Variants in CENPP observed in about 807,000 individuals in gnomAD.
CENPP encodes the protein centromere protein P.
Under a neutral mutation model 35.6 loss-of-function variants are expected in CENPP, and 24 were observed. That is an observed-to-expected ratio of 0.67 (90% CI 0.49 to 0.95). The LOEUF is 0.95. Among genes scored for constraint, CENPP ranks in the 40% least tolerant of loss-of-function variants. The probability of loss-of-function intolerance (pLI) is 0.00; values close to 1 mark genes in which losing one functional copy is unlikely to be tolerated. For missense variants in CENPP, 332 were observed against 345.3 expected, an observed-to-expected ratio of 0.96 and a Z score of 0.31; for synonymous variants, 120 against 125.5, an observed-to-expected ratio of 0.96 and a Z score of 0.29.
rs924536208 is a variant in CENPP, at chr9:92,487,169, C to A, written c.564+107310C>A. Among the ~76,000 whole-genome samples the A allele has an allele frequency of 2.0e-5, 3 of 152,318 alleles. No homozygotes were observed. In the South Asian group the frequency reaches 6.2e-4, roughly 32 times the overall value. On this transcript the variant is annotated intron_variant, in intron 5 of 7. Transcript: ENST00000375587. ...GGTTTTGTTTTAAATAAATTTCTTACCTCTTTCCACTGAGCAGACCTGAGA... is the reference window on the plus strand; with the variant it reads ...GGTTTTGTTTTAAATAAATTTCTTAACTCTTTCCACTGAGCAGACCTGAGA...
chr9:92,352,041 T>A (rs1841461505), intron 4 of CENPP, among the ~76,000 whole-genome samples: 3 of 146,580 alleles, frequency 2.0e-5, no homozygotes, highest in South Asian at 2.2e-4. Context: ...TTTTTTTTTT[T>A]AAGCACCACA....
intron 5 of CENPP, chr9:92,517,819 A>G: frequency 6.2e-7 from 1 of 1,614,200 alleles, no homozygotes; most frequent in Non-Finnish European, 8.5e-7. Flanking sequence ...GGCTCAGGCG[A>G]CCACACAGCT....
chr9:92,512,245 T>C, intron 5 of CENPP: 1 of 571,244 alleles, frequency 1.8e-6, no homozygotes, highest in Non-Finnish European at 3.1e-6. Flanking sequence ...AAAGCAATAC[T>C]CAGAACAAGG....
At chr9:92,489,766 A>G (rs1846136887) in intron 5 of CENPP, among the ~76,000 whole-genome samples, 1 of 152,140 alleles carries the variant, frequency 6.6e-6, no homozygotes, top group Non-Finnish European at 1.5e-5. Flanking sequence ...ATACAGTAAC[A>G]CAGAAGAAAG....
chr9:92,379,590 G>C (rs1389539881), intron 4 of CENPP, among the ~76,000 whole-genome samples, 173 bp from the exon 5 acceptor site: 2 of 152,190 alleles, frequency 1.3e-5, no homozygotes, highest in Non-Finnish European at 2.9e-5. Flanking sequence ...TGAGAAAGTA[G>C]CATTAGCAGT....
intron 5 of CENPP, among the ~76,000 whole-genome samples, chr9:92,472,182 C>G (rs761103933): frequency 6.6e-6 from 1 of 150,766 alleles, no homozygotes; most frequent in East Asian, 2.0e-4. Flanking sequence ...GTGAAAGAAA[C>G]CCCGTCTCTA....
intron 5 of CENPP, among the ~76,000 whole-genome samples, chr9:92,601,765 A>G (rs1850925933): frequency 6.6e-6 from 1 of 152,252 alleles, no homozygotes; most frequent in Non-Finnish European, 1.5e-5. Context: ...GTGAAGGGAC[A>G]CAGTCTCTCC....
chr9:92,419,094 G>T lies in CENPP; in HGVS notation c.564+39235G>T, dbSNP rs77222233. On this transcript the variant is annotated intron_variant, in intron 5 of 7. Transcript: ENST00000375587. ...GGAGGATATTGTGTGGAAAAGAATTGCAAAAGGGCACACTTCACAATGAAC... is the reference window on the plus strand; with the variant it reads ...GGAGGATATTGTGTGGAAAAGAATTTCAAAAGGGCACACTTCACAATGAAC... 3.2e-3 allele frequency among the ~76,000 whole-genome samples: 493 copies of T among 152,204 alleles called. 5 individuals carry two copies. The highest frequency in any genetic ancestry group is 0.011 in the African/African-American group (465 of 41,518).
At chr9:92,556,835 C>T (rs191254103) in intron 5 of CENPP, among the ~76,000 whole-genome samples, 6 of 152,172 alleles carry the variant, frequency 3.9e-5, no homozygotes, top group Admixed American at 6.5e-5. Flanking sequence ...TTTACAGTTG[C>T]ATCCATCCTG....
At chr9:92,487,058 AGGTGTGCACCACC>A (rs1846076218) in intron 5 of CENPP, among the ~76,000 whole-genome samples, 1 of 152,220 alleles carries the variant, frequency 6.6e-6, no homozygotes, top group African/African-American at 2.4e-5. Context: ...CTAGGATTAC[AGGTGTGCACCACC>A]ACACCCAGCT....
chr9:92,352,510 C>CATATATATATATATATAT (rs67070835), intron 4 of CENPP, among the ~76,000 whole-genome samples: 681 of 50,294 alleles, frequency 0.014, 41 homozygotes, highest in African/African-American at 0.023. Flanking sequence ...TGTGTGTATA[C>CATATATATATATATATAT]ATATATATAT....
chr9:92,555,213 A>AT (rs1564001474), intron 5 of CENPP, among the ~76,000 whole-genome samples: 26 of 110,060 alleles, frequency 2.4e-4, no homozygotes, highest in East Asian at 1.9e-3. Context: ...TTTTTTTGGA[A>AT]ATTTTTTTTT....
intron 5 of CENPP, among the ~76,000 whole-genome samples, chr9:92,505,013 G>T (rs1348476218): frequency 6.6e-6 from 1 of 152,200 alleles, no homozygotes; most frequent in Non-Finnish European, 1.5e-5. Context: ...GACAGTTTTG[G>T]TAGGAACTGG....
At chr9:92,416,761 G>T (rs771823316) in intron 5 of CENPP, 2 of 1,613,678 alleles carry the variant, frequency 1.2e-6, no homozygotes, top group East Asian at 2.2e-5. Flanking sequence ...GTAGTTTGTT[G>T]TGTGACATTC....
intron 5 of CENPP, among the ~76,000 whole-genome samples, chr9:92,555,369 G>A (rs756951647): frequency 4.2e-4 from 63 of 151,612 alleles, no homozygotes; most frequent in Non-Finnish European, 5.9e-4. Context: ...TGGGATTACA[G>A]ATGCATACCA....
chr9:92,388,895 G>A (rs1842552211), intron 5 of CENPP, among the ~76,000 whole-genome samples: 1 of 150,918 alleles, frequency 6.6e-6, no homozygotes, highest in Non-Finnish European at 1.5e-5. Flanking sequence ...CTTAACTTCT[G>A]AGTTCCTTAT....
intron 5 of CENPP, among the ~76,000 whole-genome samples, chr9:92,475,805 C>A (rs1002160564): frequency 3.9e-5 from 6 of 152,122 alleles, no homozygotes; most frequent in Non-Finnish European, 5.9e-5. Context: ...CCAGACTATT[C>A]TTTCTTACTC....
chr9:92,403,022 T>G (rs1843181994), intron 5 of CENPP, among the ~76,000 whole-genome samples: 1 of 152,206 alleles, frequency 6.6e-6, no homozygotes, highest in Admixed American at 6.5e-5. Context: ...TTACTATAGA[T>G]ACTGTTTGGT....
intron 5 of CENPP, among the ~76,000 whole-genome samples, chr9:92,452,108 T>A (rs1221461907): frequency 8.3e-6 from 1 of 120,506 alleles, no homozygotes; most frequent in Admixed American, 7.6e-5. Context: ...CCTGCCTAAT[T>A]GCCCTGGCCA....
Sources: gnomAD v4.1 joint callset for allele counts (sites outside exome capture counted in the v4.1 genomes callset) on GRCh38, gnomAD v4.1.1 for gene constraint, MANE v1.5 for transcripts, NCBI Gene and HGNC (gene_info 2026-07-23, HGNC 2026-07-21) for gene names.